STARD6: variants seen among roughly 807,000 people sequenced by gnomAD.
STARD6 encodes StAR related lipid transfer domain containing 6, also known as stAR-related lipid transfer protein 6.
In STARD6, 21 loss-of-function variants were observed where a neutral mutation model predicts 22.3. That is an observed-to-expected ratio of 0.94 (90% CI 0.67 to 1.35). STARD6 has a LOEUF of 1.35. Among genes scored for constraint, STARD6 ranks in the 40% most tolerant of loss-of-function variants. STARD6 has a pLI of 0.00. For synonymous variants in STARD6, 80 were observed against 88.1 expected (o/e 0.91, Z 0.52); for missense variants, 269 against 266.9 (o/e 1.01, Z -0.05).
At chr18:54,349,321 G>A (rs2089071374) in intron 4 of STARD6, among the ~76,000 whole-genome samples, 1 of 151,986 alleles carries the variant, frequency 6.6e-6, no homozygotes, top group Admixed American at 6.6e-5. Flanking sequence ...AACATTTGGG[G>A]GAATAGCTTG....
intron 7 of STARD6, among the ~76,000 whole-genome samples, chr18:54,325,505 A>G (rs1724838844): frequency 6.6e-6 from 1 of 151,240 alleles, no homozygotes. Context: ...ACTTTTGGCT[A>G]CTGTAAGTAA....
intron 4 of STARD6, among the ~76,000 whole-genome samples, chr18:54,346,174 C>T (rs1193858133): frequency 6.6e-6 from 1 of 152,072 alleles, no homozygotes. Context: ...ATATGTGATA[C>T]TAAACTAGTA....
intron 7 of STARD6, among the ~76,000 whole-genome samples, chr18:54,325,710 G>A (rs1483163916): frequency 6.6e-6 from 1 of 151,924 alleles, no homozygotes; most frequent in Non-Finnish European, 1.5e-5. Context: ...ATCATGCCTG[G>A]CTAGATTTTA....
rs746506208 is a variant in STARD6, at chr18:54,324,859, T to C, written c.496A>G (p.Lys166Glu). Residue 166 changes from lysine (K) to glutamate (E), a missense_variant, in exon 8 of 8, where the codon AAA becomes GAA. Physicochemically the swap from Lys to Glu is moderately conservative, Grantham distance 56. Transcript: ENST00000307844. Reference protein sequence around the residue: ...SPMEENPAYSKLVMFVQTEMR... With the variant: ...SPMEENPAYSELVMFVQTEMR... Reference sequence around the variant, plus strand: ...TCTGTCTGGACAAACATCACTAGTTTGGAATATGCTGGGTTTCTGTAAGCA... The same window carrying C: ...TCTGTCTGGACAAACATCACTAGTTCGGAATATGCTGGGTTTCTGTAAGCA... The C allele has an allele frequency of 6.4e-7, 1 of 1,558,498 alleles. No homozygotes were observed. Among genetic ancestry groups the C allele is most frequent in the South Asian group, 1.2e-5 (1 of 81,420 alleles).
At chr18:54,353,561 G>C (rs1240935823) in intron 4 of STARD6, among the ~76,000 whole-genome samples, 1 of 152,168 alleles carries the variant, frequency 6.6e-6, no homozygotes, top group Non-Finnish European at 1.5e-5. Context: ...TCAGGAGGCC[G>C]AGGCGGAAGG....
At chr18:54,356,987 G>A (rs2089152615) in intron 1 of STARD6, 1 of 152,224 alleles carries the variant, frequency 6.6e-6, no homozygotes, top group Admixed American at 6.5e-5. Context: ...AAAAGGGAAG[G>A]TAAAATTTAG....
intron 7 of STARD6, among the ~76,000 whole-genome samples, chr18:54,328,164 C>T (rs1428217631): frequency 2.6e-5 from 4 of 152,140 alleles, no homozygotes; most frequent in African/African-American, 7.2e-5. Context: ...GGTCATGGAA[C>T]GTATCTCCAT....
intron 4 of STARD6, among the ~76,000 whole-genome samples, chr18:54,343,971 G>A (rs1187693014): frequency 2.0e-4 from 10 of 50,102 alleles, no homozygotes; most frequent in Non-Finnish European, 6.7e-5. Flanking sequence ...CCCCCTGCCC[G>A]GCCAGCTGCC....
chr18:54,339,961 A>T (rs946313064), intron 4 of STARD6, among the ~76,000 whole-genome samples: 1 of 152,198 alleles, frequency 6.6e-6, no homozygotes, highest in Non-Finnish European at 1.5e-5. Context: ...GGGGATGGAA[A>T]TAAAGCTATA....
intron 5 of STARD6, among the ~76,000 whole-genome samples, chr18:54,335,886 G>A (rs1288198618): frequency 6.6e-6 from 1 of 152,098 alleles, no homozygotes; most frequent in Admixed American, 6.5e-5. Context: ...CATGCTTCCT[G>A]TGAAGCCTAT....
chr18:54,324,904 A>G (rs1430188105), intron 7 of STARD6, 29 bp from the exon 8 acceptor site: 11 of 1,473,360 alleles, frequency 7.5e-6, no homozygotes, highest in Non-Finnish European at 9.9e-6. Flanking sequence ...TTAAAAAAAG[A>G]TAAGAAATTT....
intron 4 of STARD6, among the ~76,000 whole-genome samples, chr18:54,338,047 G>C (rs1045662224): frequency 2.6e-5 from 4 of 152,174 alleles, no homozygotes; most frequent in African/African-American, 9.7e-5. Context: ...ACCAGTCAGA[G>C]CAAGATGTAG....
At chr18:54,339,259 A>C (rs1041262491) in intron 4 of STARD6, among the ~76,000 whole-genome samples, 1 of 151,710 alleles carries the variant, frequency 6.6e-6, no homozygotes, top group African/African-American at 2.4e-5. Flanking sequence ...TAAGAGAGTG[A>C]GACCCGTCTC....
intron 4 of STARD6, among the ~76,000 whole-genome samples, chr18:54,345,760 C>T (rs1004077484): frequency 6.6e-6 from 1 of 152,142 alleles, no homozygotes; most frequent in African/African-American, 2.4e-5. Flanking sequence ...TATAATTAAG[C>T]ATCCAAAGGA....
intron 6 of STARD6, among the ~76,000 whole-genome samples, chr18:54,330,472 A>G (rs999736737): frequency 6.6e-6 from 1 of 152,100 alleles, no homozygotes; most frequent in Non-Finnish European, 1.5e-5. Flanking sequence ...CTGAGTTTTA[A>G]TTCTGGGTTA....
At chr18:54,342,503 G>A (rs995812092) in intron 4 of STARD6, among the ~76,000 whole-genome samples, 2 of 123,158 alleles carry the variant, frequency 1.6e-5, no homozygotes, top group Admixed American at 7.7e-5. Flanking sequence ...CTCTCCCCAC[G>A]GTCTCCCTCT....
chr18:54,335,484 G>A (rs1012902443), intron 5 of STARD6, among the ~76,000 whole-genome samples: 8 of 152,008 alleles, frequency 5.3e-5, no homozygotes, highest in Admixed American at 2.6e-4. Flanking sequence ...GTGAGCCACC[G>A]CGCTCAGCCC....
At chr18:54,357,525 G>T (rs768125768) in intron 1 of STARD6, among the ~76,000 whole-genome samples, 7 of 152,140 alleles carry the variant, frequency 4.6e-5, no homozygotes, top group Non-Finnish European at 7.4e-5. Context: ...TGCTCTGGAA[G>T]CGGGGAGGCT....
At position 54,356,392 on chromosome 18, in the gene STARD6, T is replaced by C. The variant is rs2089143992; in HGVS notation, c.-36A>G. ...TGACAGATCTAATGCAGAATTTTAG[T>C]AACTACTGGGGCTCCTCTCCAAATC... On this transcript the variant is annotated 5_prime_UTR_variant, in exon 2 of 8. Transcript: ENST00000307844. 1 of 152,254 alleles carries C rather than the reference T, an allele frequency of 6.6e-6. No homozygotes were observed. The highest frequency in any genetic ancestry group is 1.5e-5 in the Non-Finnish European group (1 of 68,048). 9.4% of individuals were successfully genotyped at this position (152,254 alleles called of 1,614,324 possible). A position where few individuals can be genotyped will look rare whatever the true frequency, so the allele number is the denominator to read the frequency against.
Sources: gnomAD v4.1 joint callset for allele counts (sites outside exome capture counted in the v4.1 genomes callset) on GRCh38, gnomAD v4.1.1 for gene constraint, MANE v1.5 for transcripts, NCBI Gene and HGNC (gene_info 2026-07-23, HGNC 2026-07-21) for gene names.